Variants in EDIL3 observed in about 807,000 individuals in gnomAD.
EDIL3 encodes the protein EGF like and discoidin domains 3.
A neutral mutation model predicts 67.4 loss-of-function variants in EDIL3; 37 were observed. The ratio of observed to expected loss-of-function variants is 0.55; its 90% CI spans 0.42 to 0.72. The LOEUF is 0.72. Among genes scored for constraint, EDIL3 ranks in the 30% least tolerant of loss-of-function variants. The probability of loss-of-function intolerance (pLI) is 0.00; values close to 1 mark genes in which losing one functional copy is unlikely to be tolerated. For synonymous variants in EDIL3, 195 were observed against 196.3 expected (o/e 0.99, Z 0.05); for missense variants, 527 against 586.3 (o/e 0.90, Z 1.04).
At chr5:83,992,129 G>A (rs16900810) in intron 9 of EDIL3, among the ~76,000 whole-genome samples, 17,332 of 152,122 alleles carry the variant, frequency 0.11, 1,795 homozygotes, top group African/African-American at 0.28. Flanking sequence ...AAGAACAATA[G>A]TGGATATTAA....
chr5:84,042,534 G>A (rs1242093378), intron 9 of EDIL3, among the ~76,000 whole-genome samples: 9 of 152,080 alleles, frequency 5.9e-5, no homozygotes, highest in East Asian at 1.9e-4. Context: ...TGCCTGCCTC[G>A]GCCTCTCAAA....
chr5:84,339,260 GC>G (rs1289975311), intron 1 of EDIL3, among the ~76,000 whole-genome samples: 1 of 152,112 alleles, frequency 6.6e-6, no homozygotes, highest in East Asian at 1.9e-4. Flanking sequence ...TGTAATTATA[GC>G]CTCTACTTCA....
chr5:84,192,266 T>G (rs942538446), intron 3 of EDIL3, among the ~76,000 whole-genome samples: 2 of 151,762 alleles, frequency 1.3e-5, no homozygotes, highest in South Asian at 4.1e-4. Flanking sequence ...CTACCCACCA[T>G]GCAAACCTAA....
At chr5:84,285,816 T>C (rs1182432871) in intron 1 of EDIL3, among the ~76,000 whole-genome samples, 1 of 152,192 alleles carries the variant, frequency 6.6e-6, no homozygotes, top group Non-Finnish European at 1.5e-5. Flanking sequence ...AGAAAGTTCT[T>C]ACAGAGAAAG....
At chr5:84,381,347 T>A (rs954037739) in intron 1 of EDIL3, among the ~76,000 whole-genome samples, 2 of 152,162 alleles carry the variant, frequency 1.3e-5, no homozygotes, top group Admixed American at 6.5e-5. Flanking sequence ...TAATTTGATA[T>A]TTCAGAATTA....
chr5:84,092,965 G>T (rs940456877), intron 6 of EDIL3, among the ~76,000 whole-genome samples: 2 of 152,126 alleles, frequency 1.3e-5, no homozygotes, highest in African/African-American at 4.8e-5. Flanking sequence ...TAAAGTATGG[G>T]TCACTAGGAT....
intron 1 of EDIL3, among the ~76,000 whole-genome samples, chr5:84,312,659 C>T (rs2112145647): frequency 6.6e-6 from 1 of 152,018 alleles, no homozygotes; most frequent in East Asian, 2.0e-4. Context: ...GGCAGAGGGG[C>T]TCCTCACTTC....
intron 1 of EDIL3, among the ~76,000 whole-genome samples, chr5:84,354,893 A>G (rs1747447947): frequency 6.6e-6 from 1 of 152,132 alleles, no homozygotes; most frequent in African/African-American, 2.4e-5. Context: ...TTTTTTAAGC[A>G]TCTCATTAAA....
At chr5:84,137,178 TATAC>T in intron 5 of EDIL3, 59 bp downstream of exon 5, 48 of 969,776 alleles carry the variant, frequency 4.9e-5, no homozygotes, top group Non-Finnish European at 7.0e-5. Flanking sequence ...TGTGTGTGTG[TATAC>T]ATACACACAC....
At chr5:84,249,931 T>C (rs1184942294) in intron 2 of EDIL3, among the ~76,000 whole-genome samples, 1 of 152,102 alleles carries the variant, frequency 6.6e-6, no homozygotes, top group Non-Finnish European at 1.5e-5. Flanking sequence ...AAAGAGATAA[T>C]AGAACATTTA....
At chr5:84,034,192 T>C (rs769819258) in intron 9 of EDIL3, among the ~76,000 whole-genome samples, 3 of 152,216 alleles carry the variant, frequency 2.0e-5, no homozygotes, top group Non-Finnish European at 2.9e-5. Context: ...GAGCCACACA[T>C]TGCAGGTGCA....
intron 9 of EDIL3, among the ~76,000 whole-genome samples, chr5:84,031,471 G>A (rs1193551314): frequency 6.6e-6 from 1 of 152,102 alleles, no homozygotes; most frequent in Non-Finnish European, 1.5e-5. Flanking sequence ...ATCTACCCAT[G>A]CAACACTTAT....
At position 84,340,353 on chromosome 5, in the gene EDIL3, A is replaced by G. The variant is rs115990364; in HGVS notation, c.67+43955T>C. ...TATTTAACCCTGCAGTACCTCAGTT[A>G]TCTCTAAAATAGGGATGATAATAAT... On this transcript the variant is annotated intron_variant, in intron 1 of 10. Coordinates refer to ENST00000296591, the MANE Select transcript of EDIL3 (RefSeq NM_005711.5). Among the ~76,000 whole-genome samples, 991 of 151,882 alleles carry G rather than the reference A, an allele frequency of 6.5e-3. 4 individuals are homozygous for G. The highest frequency in any genetic ancestry group is 0.022 in the African/African-American group (908 of 41,478).
At chr5:84,348,302 C>G (rs1362340326) in intron 1 of EDIL3, among the ~76,000 whole-genome samples, 1 of 152,042 alleles carries the variant, frequency 6.6e-6, no homozygotes, top group African/African-American at 2.4e-5. Flanking sequence ...TCTCCTTGTT[C>G]CAGGAAAAGC....
At chr5:84,218,800 G>A (rs865786952) in intron 3 of EDIL3, among the ~76,000 whole-genome samples, 1 of 152,210 alleles carries the variant, frequency 6.6e-6, no homozygotes, top group Non-Finnish European at 1.5e-5. Context: ...GCCTGGGGCA[G>A]TGGTGGCCAT....
chr5:84,067,720 G>T (rs528523458), intron 6 of EDIL3, among the ~76,000 whole-genome samples: 1 of 152,074 alleles, frequency 6.6e-6, no homozygotes. Context: ...CCACCCTATC[G>T]CCATTGTTTC....
At chr5:83,975,611 C>T (rs1744864878) in intron 9 of EDIL3, among the ~76,000 whole-genome samples, 1 of 151,680 alleles carries the variant, frequency 6.6e-6, no homozygotes, top group Non-Finnish European at 1.5e-5. Flanking sequence ...AAGCTGCTGA[C>T]ATTTTAAACA....
chr5:84,133,608 C>CA (rs780677949), intron 5 of EDIL3, among the ~76,000 whole-genome samples: 24 of 151,728 alleles, frequency 1.6e-4, no homozygotes, highest in Non-Finnish European at 2.9e-4. Context: ...GCCTGGGCGA[C>CA]AGAGTGAGAC....
At chr5:84,345,639 A>G (rs1404233495) in intron 1 of EDIL3, among the ~76,000 whole-genome samples, 2 of 152,198 alleles carry the variant, frequency 1.3e-5, no homozygotes, top group Non-Finnish European at 2.9e-5. Context: ...TCAGAAAGAG[A>G]TGATGTATTG....
Sources: allele counts gnomAD v4.1 joint callset (sites outside exome capture counted in the v4.1 genomes callset), GRCh38; gene constraint gnomAD v4.1.1; transcripts MANE v1.5; gene names NCBI Gene and HGNC (gene_info 2026-07-23, HGNC 2026-07-21).